The following RGS20 variants were observed in gnomAD, a reference collection of about 807,000 sequenced individuals.
The protein encoded by RGS20 is regulator of G protein signaling 20.
In RGS20, 30 loss-of-function variants were observed where a neutral mutation model predicts 33.6. The ratio of observed to expected loss-of-function variants is 0.89; its 90% confidence interval spans 0.67 to 1.21. RGS20 has a LOEUF of 1.21. RGS20 is among the 50% of genes most tolerant of loss of function. RGS20 has a pLI of 0.00. For missense variants in RGS20, 472 were observed against 502.4 expected, an observed-to-expected ratio of 0.94 and a Z score of 0.58; for synonymous variants, 208 against 197.9, an observed-to-expected ratio of 1.05 and a Z score of -0.43.
At chr8:53,893,670 A>G (rs1812777526) in intron 2 of RGS20, among the ~76,000 whole-genome samples, 2 of 152,162 alleles carry the variant, frequency 1.3e-5, no homozygotes. Flanking sequence ...AATTTATCAA[A>G]TTCTCACTAG....
Position 53,879,578 on chromosome 8 carries a change from C to G in RGS20, c.486C>G (p.Thr162=). The change falls in exon 2 of 6, where the codon ACC becomes ACG. Residue 162 remains threonine, a synonymous_variant. Coordinates refer to ENST00000297313, the MANE Select transcript of RGS20 (RefSeq NM_170587.4). Reference sequence around the variant, plus strand: ...CCAAGCCCAGGGAAGAAGACGCCACCGCTGGGCAGAGCTCGCCTATGCCGG... The same window carrying G: ...CCAAGCCCAGGGAAGAAGACGCCACGGCTGGGCAGAGCTCGCCTATGCCGG... The G allele has an allele frequency of 6.5e-7, 1 of 1,530,796 alleles. No homozygotes were observed. The highest frequency in any genetic ancestry group is 8.8e-7 in the Non-Finnish European group (1 of 1,139,908). 94.8% of individuals were successfully genotyped at this position (1,530,796 alleles called of 1,614,324 possible). A position where few individuals can be genotyped will look rare whatever the true frequency, so the allele number is the denominator to read the frequency against.
chr8:53,955,555 C>T (rs1181354242), intron 5 of RGS20, among the ~76,000 whole-genome samples: 1 of 152,156 alleles, frequency 6.6e-6, no homozygotes, highest in East Asian at 1.9e-4. Flanking sequence ...CCAGCCCTGG[C>T]ACAGTGGCCA....
chr8:53,919,427 C>T (rs576928480), intron 2 of RGS20, among the ~76,000 whole-genome samples: 42 of 151,682 alleles, frequency 2.8e-4, no homozygotes, highest in African/African-American at 9.4e-4. Context: ...CTGCAACCTC[C>T]GCCTCCCAGG....
chr8:53,901,348 G>A (rs1047933369), intron 2 of RGS20, among the ~76,000 whole-genome samples: 4 of 152,098 alleles, frequency 2.6e-5, no homozygotes, highest in Non-Finnish European at 4.4e-5. Context: ...GATTACAGGC[G>A]TGAACCACCG....
chr8:53,917,605 C>T (rs1813526491), intron 2 of RGS20, among the ~76,000 whole-genome samples: 1 of 152,148 alleles, frequency 6.6e-6, no homozygotes, highest in Admixed American at 6.5e-5. Flanking sequence ...ATAAAGTTTA[C>T]TCATTTAAAG....
At chr8:53,866,758 T>C (rs1048763718) in intron 1 of RGS20, among the ~76,000 whole-genome samples, 8 of 151,986 alleles carry the variant, frequency 5.3e-5, no homozygotes, top group Admixed American at 2.6e-4. Flanking sequence ...GCCGTGTAGG[T>C]GCAAAGGCTG....
At chr8:53,936,754 C>T (rs573058900) in intron 2 of RGS20, among the ~76,000 whole-genome samples, 9 of 152,298 alleles carry the variant, frequency 5.9e-5, no homozygotes, top group African/African-American at 2.2e-4. Flanking sequence ...CTTTAAATTT[C>T]ATATGGAACC....
intron 2 of RGS20, among the ~76,000 whole-genome samples, chr8:53,885,002 T>C (rs1812499891): frequency 1.3e-5 from 2 of 152,366 alleles, no homozygotes; most frequent in South Asian, 4.1e-4. Context: ...TTTGAGCTTT[T>C]CTTGAATTCT....
intron 1 of RGS20, among the ~76,000 whole-genome samples, chr8:53,864,517 T>C (rs1811879740): frequency 6.6e-6 from 1 of 151,878 alleles, no homozygotes; most frequent in Admixed American, 6.6e-5. Context: ...ATTAGCCCTG[T>C]GCTGCCTCCC....
chr8:53,867,711 G>GTTTCTTTCCTTCTTTC, intron 1 of RGS20, among the ~76,000 whole-genome samples: 1 of 122,448 alleles, frequency 8.2e-6, no homozygotes, highest in Non-Finnish European at 1.8e-5. Flanking sequence ...TCCTTTCTTT[G>GTTTCTTTCCTTCTTTC]TTTCTTTCCT....
At chr8:53,870,984 G>T (rs1021782626) in intron 1 of RGS20, among the ~76,000 whole-genome samples, 3 of 151,642 alleles carry the variant, frequency 2.0e-5, no homozygotes, top group Non-Finnish European at 2.9e-5. Context: ...GGCGGCAGGA[G>T]CCTGTAACCC....
intron 4 of RGS20, among the ~76,000 whole-genome samples, chr8:53,952,978 C>T (rs1814753429): frequency 6.6e-6 from 1 of 152,116 alleles, no homozygotes; most frequent in Admixed American, 6.6e-5. Context: ...ATAAATGCAA[C>T]ATTATCAGTG....
intron 2 of RGS20, among the ~76,000 whole-genome samples, chr8:53,927,530 CAT>C (rs1400556528): frequency 1.3e-5 from 2 of 152,162 alleles, no homozygotes; most frequent in East Asian, 1.9e-4. Flanking sequence ...AAATCCCACA[CAT>C]GTTAGCATAT....
At chr8:53,944,856 T>C (rs1814425065) in intron 3 of RGS20, among the ~76,000 whole-genome samples, 1 of 152,170 alleles carries the variant, frequency 6.6e-6, no homozygotes, top group Non-Finnish European at 1.5e-5. Context: ...AGTAAATGCA[T>C]GAAAAGATGT....
In RGS20 at chr8:53,877,507, C is replaced by T. The variant is rs58652215; in HGVS notation, c.166-1751C>T. ...CCTCCTCCCGAGCGAGACGAACGCT[C>T]AGCAGCTCGTTCCCTGGGCGCCAAG... On this transcript the variant is annotated intron_variant, in intron 1 of 5. Coordinates refer to ENST00000297313, the MANE Select transcript of RGS20 (RefSeq NM_170587.4). The surrounding 1 kb of genome is among the most constrained non-coding windows in gnomAD (Gnocchi z 5.7). Among the ~76,000 whole-genome samples, 10,948 of 152,286 alleles carry T rather than the reference C, an allele frequency of 0.072. 841 individuals are homozygous for T. The highest frequency in any genetic ancestry group is 0.3 in the East Asian group (1,546 of 5,152).
At chr8:53,887,882 G>A (rs1296691529) in intron 2 of RGS20, among the ~76,000 whole-genome samples, 2 of 151,922 alleles carry the variant, frequency 1.3e-5, no homozygotes, top group Non-Finnish European at 2.9e-5. Flanking sequence ...GGAGGCTGAG[G>A]CTGGAGAATC....
intron 1 of RGS20, among the ~76,000 whole-genome samples, chr8:53,856,509 G>A (rs1428376703): frequency 8.5e-5 from 13 of 152,086 alleles, no homozygotes; most frequent in Admixed American, 3.3e-4. Flanking sequence ...GTGAGCCACC[G>A]TGCCCGGCTG....
intron 2 of RGS20, among the ~76,000 whole-genome samples, chr8:53,936,035 A>G (rs1042701944): frequency 3.3e-5 from 5 of 152,214 alleles, no homozygotes; most frequent in African/African-American, 1.2e-4. Flanking sequence ...AAGGCCTTCA[A>G]TAAAATTCAA....
intron 4 of RGS20, among the ~76,000 whole-genome samples, chr8:53,953,391 C>T (rs540159291): frequency 8.6e-5 from 13 of 151,856 alleles, no homozygotes; most frequent in Non-Finnish European, 1.5e-4. Flanking sequence ...CGTGGTGGCA[C>T]GTGCCTGCAG....
Sources: gnomAD v4.1 joint callset for allele counts (sites outside exome capture counted in the v4.1 genomes callset) on GRCh38, gnomAD v4.1.1 for gene constraint, Gnocchi (gnomAD v3.1) non-coding constraint, MANE v1.5 for transcripts, NCBI Gene and HGNC (gene_info 2026-07-23, HGNC 2026-07-21) for gene names.